The following AP3B1 variants were observed in gnomAD, a reference collection of about 807,000 sequenced individuals.
The protein encoded by AP3B1 is AP-3 complex subunit beta-1.
In AP3B1, 61 loss-of-function variants were observed where a neutral mutation model predicts 132.5. The ratio of observed to expected loss-of-function variants is 0.46; its 90% CI spans 0.37 to 0.57. The LOEUF (loss-of-function observed/expected upper bound fraction) is 0.57. Ranked by LOEUF, AP3B1 falls within the 20% of genes least tolerant of loss-of-function variation. AP3B1 has a pLI of 0.00. For missense variants in AP3B1, 1,120 were observed against 1,289.4 expected (o/e 0.87, Z 2.01); for synonymous variants, 388 against 438.3 (o/e 0.89, Z 1.43).
chr5:78,057,143 ATTCCGAGAT>A (rs1245298013), intron 22 of AP3B1, among the ~76,000 whole-genome samples: 3 of 152,220 alleles, frequency 2.0e-5, no homozygotes, highest in Admixed American at 2.0e-4. Flanking sequence ...CGGCTAAGTC[ATTCCGAGAT>A]TTCCCACGGC....
intron 22 of AP3B1, among the ~76,000 whole-genome samples, chr5:78,084,364 C>T (rs1293566012): frequency 6.6e-6 from 1 of 151,126 alleles, no homozygotes; most frequent in Admixed American, 6.6e-5. Context: ...TATCTACCAA[C>T]AAAAATATAA....
chr5:78,058,075 G>A (rs757540437), intron 22 of AP3B1, among the ~76,000 whole-genome samples: 4 of 151,976 alleles, frequency 2.6e-5, no homozygotes, highest in Admixed American at 6.5e-5. Flanking sequence ...TAATAGCACC[G>A]GTTAGTTATC....
At position 78,294,666 on chromosome 5, in the gene AP3B1, T is replaced by C. The variant is rs889421091; in HGVS notation, c.-87A>G. 2.9e-5 allele frequency: 46 copies of C among 1,597,506 alleles called. No homozygotes were observed. The highest frequency in any genetic ancestry group is 3.6e-5 in the Non-Finnish European group (42 of 1,172,766). ...TCCAGAGGGCACGGAACAAAACTAGTTCTCGTACGGAGGAGCGCGCGCAGG... is the reference window on the plus strand; with the variant it reads ...TCCAGAGGGCACGGAACAAAACTAGCTCTCGTACGGAGGAGCGCGCGCAGG... On this transcript the variant is annotated 5_prime_UTR_variant, in exon 1 of 27. Transcript: ENST00000255194.
At chr5:78,117,450 C>G (rs1751904602) in intron 17 of AP3B1, among the ~76,000 whole-genome samples, 1 of 151,890 alleles carries the variant, frequency 6.6e-6, no homozygotes, top group African/African-American at 2.4e-5. Flanking sequence ...GCTGGGATCA[C>G]AGGCACCCAC....
chr5:78,124,307 C>T (rs200047522), intron 17 of AP3B1, among the ~76,000 whole-genome samples: 2 of 134,310 alleles, frequency 1.5e-5, no homozygotes, highest in African/African-American at 6.0e-5. Context: ...ATGTAACAAA[C>T]CTGCACATTG....
intron 14 of AP3B1, among the ~76,000 whole-genome samples, chr5:78,141,737 A>T (rs966831158): frequency 6.6e-6 from 1 of 152,192 alleles, no homozygotes; most frequent in Admixed American, 6.5e-5. Flanking sequence ...CAATTTATAG[A>T]AATGGTTTGC....
intron 6 of AP3B1, among the ~76,000 whole-genome samples, chr5:78,219,388 A>C (rs1003350238): frequency 7.9e-5 from 12 of 152,134 alleles, no homozygotes; most frequent in Admixed American, 1.3e-4. Flanking sequence ...TTAAAAATAA[A>C]TTCATACGTG....
chr5:78,015,445 T>G lies in AP3B1; in HGVS notation c.3096A>C (p.Val1032=). The G allele has an allele frequency of 6.2e-7, 1 of 1,613,876 alleles. No individual in the cohort carries two copies. The highest frequency in any genetic ancestry group is 8.5e-7 in the Non-Finnish European group (1 of 1,179,822). The change falls in exon 26 of 27, where the codon GTA becomes GTC. Residue 1032 remains valine, a synonymous_variant. Coordinates refer to ENST00000255194, the MANE Select transcript of AP3B1 (RefSeq NM_003664.5). ...IFQKVVNVAN[V]GAVPSGQDNI... ...TATCCTGGCCAGAAGGGACTGCACC[T>G]ACATTGGCTACATTTACAACCTTCT...
chr5:78,090,869 C>T (rs527483569), intron 21 of AP3B1, among the ~76,000 whole-genome samples: 3 of 149,004 alleles, frequency 2.0e-5, no homozygotes, highest in South Asian at 2.1e-4. Flanking sequence ...TGGAGTAAAG[C>T]GGTGCAATCC....
chr5:78,047,346 C>T (rs1748384262), intron 22 of AP3B1, among the ~76,000 whole-genome samples: 1 of 152,210 alleles, frequency 6.6e-6, no homozygotes, highest in Non-Finnish European at 1.5e-5. Context: ...TATTTCTCCA[C>T]ATCCTCTCCA....
chr5:78,092,375 C>T (rs1249961701), intron 21 of AP3B1, among the ~76,000 whole-genome samples: 1 of 152,078 alleles, frequency 6.6e-6, no homozygotes, highest in Non-Finnish European at 1.5e-5. Flanking sequence ...GCAGGTATGG[C>T]AAGATGAAAG....
At chr5:78,242,512 T>A (rs1362913097) in intron 2 of AP3B1, among the ~76,000 whole-genome samples, 1 of 152,192 alleles carries the variant, frequency 6.6e-6, no homozygotes, top group African/African-American at 2.4e-5. Context: ...GTTCGAGCGA[T>A]TCTCCTGCTT....
chr5:78,202,062 G>T (rs537584530), intron 7 of AP3B1, among the ~76,000 whole-genome samples: 6 of 152,202 alleles, frequency 3.9e-5, no homozygotes, highest in South Asian at 4.1e-4. Flanking sequence ...AATCATGGGG[G>T]TAAGTCTTTC....
chr5:78,148,949 G>A (rs899080115), intron 14 of AP3B1, among the ~76,000 whole-genome samples: 4 of 152,142 alleles, frequency 2.6e-5, no homozygotes, highest in African/African-American at 9.7e-5. Flanking sequence ...ACTGAATTTT[G>A]ATGCTTGGTG....
intron 19 of AP3B1, 78 bp downstream of exon 19, chr5:78,113,674 G>T: frequency 6.6e-7 from 1 of 1,510,282 alleles, no homozygotes. Flanking sequence ...ACCATTTTTT[G>T]ATTAATAAGA....
intron 2 of AP3B1, among the ~76,000 whole-genome samples, chr5:78,259,926 T>C (rs1748012442): frequency 6.6e-6 from 1 of 151,634 alleles, no homozygotes; most frequent in Non-Finnish European, 1.5e-5. Context: ...ACTGAGATTG[T>C]GCCATTGCAC....
At chr5:78,048,926 C>T (rs531181486) in intron 22 of AP3B1, among the ~76,000 whole-genome samples, 1 of 152,154 alleles carries the variant, frequency 6.6e-6, no homozygotes, top group Non-Finnish European at 1.5e-5. Context: ...CCCCTTCCCC[C>T]ACTTTCTCTA....
At chr5:78,053,632 A>T (rs1349330106) in intron 22 of AP3B1, among the ~76,000 whole-genome samples, 1 of 143,466 alleles carries the variant, frequency 7.0e-6, no homozygotes, top group Non-Finnish European at 1.5e-5. Flanking sequence ...GTGAGCCGAG[A>T]TTGCACCATT....
chr5:78,168,220 TTTTTTC>T (rs1561453292), intron 11 of AP3B1, among the ~76,000 whole-genome samples: 1 of 142,720 alleles, frequency 7.0e-6, no homozygotes, highest in African/African-American at 2.7e-5. Flanking sequence ...AACTTTTTTC[TTTTTTC>T]TTTTTTTTTT....
Sources: gnomAD v4.1 joint callset for allele counts (sites outside exome capture counted in the v4.1 genomes callset) on GRCh38, gnomAD v4.1.1 for gene constraint, MANE v1.5 for transcripts, NCBI Gene and HGNC (gene_info 2026-07-23, HGNC 2026-07-21) for gene names.